The following CNTNAP2 variants were observed in gnomAD, a reference collection of about 807,000 sequenced individuals.
The protein encoded by CNTNAP2 is contactin associated protein 2.
CNTNAP2 carries 98 observed loss-of-function variants against 155.2 expected under a neutral mutation model. That is an observed-to-expected ratio of 0.63 (90% CI 0.54 to 0.75). The LOEUF is 0.75. Among genes scored for constraint, CNTNAP2 ranks in the 30% least tolerant of loss-of-function variants. The pLI, the probability that CNTNAP2 is intolerant of heterozygous loss-of-function variation, is 0.00. For missense variants in CNTNAP2, 1,727 were observed against 1,688.1 expected (o/e 1.02, Z -0.40); for synonymous variants, 651 against 631.2 (o/e 1.03, Z -0.47).
intron 21 of CNTNAP2, among the ~76,000 whole-genome samples, chr7:148,342,986 C>T (rs914599419): frequency 6.6e-6 from 1 of 152,216 alleles, no homozygotes; most frequent in African/African-American, 2.4e-5. Context: ...AGCCTCCAGG[C>T]TCCAGCCCCA....
chr7:147,636,730 G>C (rs1421554024), intron 12 of CNTNAP2, among the ~76,000 whole-genome samples: 2 of 152,108 alleles, frequency 1.3e-5, no homozygotes, highest in Non-Finnish European at 2.9e-5. Flanking sequence ...TAATATTTCT[G>C]AAGCCCTACT....
At chr7:147,638,892 G>A (rs1239568219) in intron 12 of CNTNAP2, 2 of 607,826 alleles carry the variant, frequency 3.3e-6, no homozygotes, top group South Asian at 3.6e-5. Flanking sequence ...TCTTGCATTT[G>A]TTTTCAATAA....
intron 1 of CNTNAP2, among the ~76,000 whole-genome samples, chr7:146,678,926 T>A (rs529193258): frequency 1.3e-5 from 2 of 152,302 alleles, no homozygotes; most frequent in Admixed American, 1.3e-4. Flanking sequence ...TTCTAACACT[T>A]ATAAAATTTA....
At chr7:146,178,657 TC>T (rs1197505180) in intron 1 of CNTNAP2, among the ~76,000 whole-genome samples, 1 of 152,184 alleles carries the variant, frequency 6.6e-6, no homozygotes, top group Non-Finnish European at 1.5e-5. Flanking sequence ...ACTTTTGTAA[TC>T]TTCAGGTGTC....
At chr7:147,326,955 A>C (rs1219080587) in intron 9 of CNTNAP2, among the ~76,000 whole-genome samples, 1 of 152,204 alleles carries the variant, frequency 6.6e-6, no homozygotes, top group East Asian at 1.9e-4. Context: ...TACATGCTGA[A>C]TGGGTACATG....
At chr7:148,269,721 G>A (rs1015335193) in intron 21 of CNTNAP2, among the ~76,000 whole-genome samples, 4 of 152,234 alleles carry the variant, frequency 2.6e-5, no homozygotes, top group Admixed American at 2.6e-4. Context: ...AAAGTTGAGC[G>A]ATGCCATCAG....
intron 1 of CNTNAP2, among the ~76,000 whole-genome samples, chr7:146,586,707 G>A (rs1308698641): frequency 6.6e-6 from 1 of 152,130 alleles, no homozygotes; most frequent in Non-Finnish European, 1.5e-5. Flanking sequence ...GTGCAGTTTG[G>A]TAACTTTAAG....
intron 1 of CNTNAP2, among the ~76,000 whole-genome samples, chr7:146,323,362 G>A (rs943212899): frequency 9.2e-5 from 14 of 151,936 alleles, no homozygotes; most frequent in African/African-American, 2.9e-4. Context: ...CTCTCTCGGT[G>A]TTATGCAATA....
At chr7:146,781,621 C>T (rs1802492213) in intron 2 of CNTNAP2, among the ~76,000 whole-genome samples, 1 of 152,092 alleles carries the variant, frequency 6.6e-6, no homozygotes, top group Admixed American at 6.5e-5. Context: ...TTACAGGCTC[C>T]CAGGCAGTTC....
intron 13 of CNTNAP2, among the ~76,000 whole-genome samples, chr7:147,794,684 C>T (rs994265276): frequency 5.3e-5 from 8 of 150,382 alleles, no homozygotes; most frequent in Non-Finnish European, 1.0e-4. Context: ...TTCTATGTTA[C>T]GAGTTTGTTT....
chr7:147,661,727 A>G (rs1466183392), intron 13 of CNTNAP2, among the ~76,000 whole-genome samples: 1 of 151,552 alleles, frequency 6.6e-6, no homozygotes, highest in Non-Finnish European at 1.5e-5. Flanking sequence ...TAATTTTTGT[A>G]TTTTTAGTAG....
chr7:146,713,068 A>G (rs1206239239), intron 1 of CNTNAP2, among the ~76,000 whole-genome samples: 5 of 152,086 alleles, frequency 3.3e-5, no homozygotes, highest in Non-Finnish European at 7.4e-5. Flanking sequence ...GGTTTTCAAA[A>G]CTAAAACTTA....
chr7:148,209,059 C>T (rs556625536), intron 18 of CNTNAP2, among the ~76,000 whole-genome samples: 1 of 152,088 alleles, frequency 6.6e-6, no homozygotes, highest in Non-Finnish European at 1.5e-5. Flanking sequence ...TCAGCCCAGA[C>T]TTTTTTGGCT....
chr7:147,900,770 CTG>C (rs2116746610), intron 13 of CNTNAP2, among the ~76,000 whole-genome samples: 1 of 152,268 alleles, frequency 6.6e-6, no homozygotes, highest in East Asian at 1.9e-4. Flanking sequence ...GCGCCTGCCA[CTG>C]TGGCCAGCTA....
chr7:148,412,105 G>C (rs1257465581), intron 23 of CNTNAP2, among the ~76,000 whole-genome samples: 1 of 98,364 alleles, frequency 1.0e-5, no homozygotes, highest in Non-Finnish European at 2.2e-5. Flanking sequence ...ACCATGTCCA[G>C]CTAATTTTTG....
rs1340256014 is a variant in CNTNAP2 at position 147,027,379 on chromosome 7, C to T, written c.403-16528C>T. On this transcript the variant is annotated intron_variant, in intron 3 of 23. Transcript: ENST00000361727. ...AGCTACTTAACTCAAATTCTAAAAG[C>T]CACCTAATGTTTGTATGTGGATGAC... 5.9e-5 allele frequency among the ~76,000 whole-genome samples: 9 copies of T among 152,108 alleles called. No homozygotes were observed. The South Asian group carries it at 1.9e-3, about 32-fold the overall frequency.
At chr7:146,708,665 C>G in intron 1 of CNTNAP2, among the ~76,000 whole-genome samples, 1 of 116,036 alleles carries the variant, frequency 8.6e-6, no homozygotes, top group East Asian at 3.0e-4. Flanking sequence ...GGCGTGATCT[C>G]ATCTCACTGC....
chr7:147,192,946 G>C (rs1409207225), intron 8 of CNTNAP2, among the ~76,000 whole-genome samples: 2 of 152,116 alleles, frequency 1.3e-5, no homozygotes, highest in Non-Finnish European at 2.9e-5. Context: ...AAATTATTTA[G>C]TGAACAGAAT....
intron 1 of CNTNAP2, among the ~76,000 whole-genome samples, chr7:146,529,875 G>A (rs1249514437): frequency 6.6e-6 from 1 of 152,080 alleles, no homozygotes; most frequent in Non-Finnish European, 1.5e-5. Flanking sequence ...TGAGGCAGGA[G>A]AATTTCTTGA....
Sources: gnomAD v4.1 joint callset for allele counts (sites outside exome capture counted in the v4.1 genomes callset) on GRCh38, gnomAD v4.1.1 for gene constraint, MANE v1.5 for transcripts, NCBI Gene and HGNC (gene_info 2026-07-23, HGNC 2026-07-21) for gene names.